Variants in COL8A2 observed in about 807,000 individuals in gnomAD.
The protein encoded by COL8A2 is collagen alpha-2(VIII) chain.
A neutral mutation model predicts 24.0 loss-of-function variants in COL8A2; 16 were observed. The observed-to-expected ratio is 0.67, with a 90% CI of 0.45 to 1.01. The LOEUF (loss-of-function observed/expected upper bound fraction) is 1.01, where lower values mean the gene tolerates loss of function less well. Among genes scored for constraint, COL8A2 ranks in the 50% least tolerant of loss-of-function variants. The pLI, the probability that COL8A2 is intolerant of heterozygous loss-of-function variation, is 0.00. For synonymous variants in COL8A2, 466 were observed against 424.5 expected, an observed-to-expected ratio of 1.10 and a Z score of -1.20; for missense variants, 818 against 942.4, an observed-to-expected ratio of 0.87 and a Z score of 1.73.
chr1:36,115,246 A>G lies in COL8A2; in HGVS notation c.-17+462T>C, dbSNP rs1315926812. On this transcript the variant is annotated intron_variant, in intron 2 of 3. Transcript: ENST00000397799. This position sits in a 1 kb window ranked among gnomAD's most constrained non-coding sequence, Gnocchi z 5.7. ...AGGCAGGGGCAGGCGGGGCCTCCTC[A>G]GCCTCCAATCCCTCACCTTCTGGTT... Among the ~76,000 whole-genome samples, 1 of 152,186 alleles carries G rather than the reference A, an allele frequency of 6.6e-6. No homozygotes were observed. Among genetic ancestry groups the G allele is most frequent in the Non-Finnish European group, 1.5e-5 (1 of 68,014 alleles).
chr1:36,105,958 A>T (rs887703242), intron 2 of COL8A2, among the ~76,000 whole-genome samples: 4 of 143,706 alleles, frequency 2.8e-5, no homozygotes, highest in Admixed American at 2.1e-4. Flanking sequence ...CTTAAAAAAA[A>T]AAAAAAAAAG....
chr1:36,101,616 C>T (rs769838970), intron 2 of COL8A2, among the ~76,000 whole-genome samples: 6 of 152,212 alleles, frequency 3.9e-5, no homozygotes, highest in Non-Finnish European at 5.9e-5. Flanking sequence ...GAGAGGATGT[C>T]CACACAATAA....
chr1:36,116,566 C>T (rs925302105), intron 1 of COL8A2, among the ~76,000 whole-genome samples: 1 of 152,236 alleles, frequency 6.6e-6, no homozygotes, highest in African/African-American at 2.4e-5. Flanking sequence ...AAGCGGTCAT[C>T]ACACAATTGG....
In COL8A2 at chr1:36,100,887, C is replaced by CTTTTTTTTTTTTT. The variant is rs139330748; in HGVS notation, c.-16-642_-16-630dup. Among the ~76,000 whole-genome samples the CTTTTTTTTTTTTT allele has an allele frequency of 3.2e-4, 16 of 50,158 alleles. 1 individual carries two copies. The highest frequency in any genetic ancestry group is 1.3e-3 in the South Asian group (1 of 774). The allele number at this position is 50,158 out of a possible 152,430, so 32.9% of individuals were successfully genotyped here. On this transcript the variant is annotated intron_variant, in intron 2 of 3. Coordinates refer to ENST00000397799, the MANE Select transcript of COL8A2 (RefSeq NM_005202.4). ...ATGGCGCTTAGCATAGCATTCAAGG[C>CTTTTTTTTTTTTT]TTTTTTTTTTTTTTTTTTTTTTTTT...
At chr1:36,111,213 C>T (rs184421017) in intron 2 of COL8A2, among the ~76,000 whole-genome samples, 18 of 152,226 alleles carry the variant, frequency 1.2e-4, no homozygotes, top group African/African-American at 4.3e-4. Flanking sequence ...CCCTCCCCAG[C>T]CACCCTCATC....
intron 2 of COL8A2, among the ~76,000 whole-genome samples, chr1:36,110,953 A>T (rs1328867079): frequency 6.6e-6 from 1 of 152,120 alleles, no homozygotes; most frequent in Non-Finnish European, 1.5e-5. Flanking sequence ...TTTGGGCATG[A>T]CACCCAGCCC....
chr1:36,114,306 G>C (rs1353073972), intron 2 of COL8A2, among the ~76,000 whole-genome samples: 2 of 127,716 alleles, frequency 1.6e-5, no homozygotes, highest in African/African-American at 6.2e-5. Context: ...GCGACAGAGC[G>C]AGACTCCATC....
intron 1 of COL8A2, among the ~76,000 whole-genome samples, chr1:36,119,165 T>C (rs965708336): frequency 6.6e-6 from 1 of 152,220 alleles, no homozygotes; most frequent in African/African-American, 2.4e-5. Flanking sequence ...AATCCAGCTC[T>C]GCCCAGCCCA....
intron 1 of COL8A2, among the ~76,000 whole-genome samples, chr1:36,122,671 C>T (rs1643923173): frequency 6.6e-6 from 1 of 152,158 alleles, no homozygotes; most frequent in African/African-American, 2.4e-5. Flanking sequence ...TGGCAACCGC[C>T]CACTTCATCC....
In COL8A2 at chr1:36,115,272, C is replaced by G. The variant is rs1250941386; in HGVS notation, c.-17+436G>C. 6.6e-6 allele frequency among the ~76,000 whole-genome samples: 1 copy of G among 152,220 alleles called. No homozygotes were observed. The highest frequency in any genetic ancestry group is 1.5e-5 in the Non-Finnish European group (1 of 68,034). ...GCCTCCAATCCCTCACCTTCTGGTTCGCATTTGCAGCCTTTTCCGGAGCGC... is the reference window on the plus strand; with the variant it reads ...GCCTCCAATCCCTCACCTTCTGGTTGGCATTTGCAGCCTTTTCCGGAGCGC... On this transcript the variant is annotated intron_variant, in intron 2 of 3. Transcript: ENST00000397799. This position sits in a 1 kb window ranked among gnomAD's most constrained non-coding sequence, Gnocchi z 5.7.
rs1201782428 is a variant in COL8A2 at position 36,102,593 on chromosome 1, G to GT, written c.-16-2336dup. Reference sequence around the variant, plus strand: ...AAAATTGCACAGCTCTATGAACACAGTAAAAAAAAACACTGAATTGTACAC... The same window carrying GT: ...AAAATTGCACAGCTCTATGAACACAGTTAAAAAAAAACACTGAATTGTACAC... On this transcript the variant is annotated intron_variant, in intron 2 of 3. Transcript: ENST00000397799. Among the ~76,000 whole-genome samples, 8 of 146,072 alleles carry GT rather than the reference G, an allele frequency of 5.5e-5. No homozygotes were observed. In the Admixed American group the frequency reaches 5.5e-4, roughly 10 times the overall value.
chr1:36,095,870 C>G lies in COL8A2; in HGVS notation c.*1699G>C, dbSNP rs1427793461. ...TAAGAAATCCACCAGGAACCCCAGC[C>G]AAAACCTTCTCAAGTGTCACTTGGG... On this transcript the variant is annotated 3_prime_UTR_variant, in exon 4 of 4. Coordinates refer to ENST00000397799, the MANE Select transcript of COL8A2 (RefSeq NM_005202.4). 6.6e-6 allele frequency: 1 copy of G among 152,220 alleles called. No homozygotes were observed. Among genetic ancestry groups the G allele is most frequent in the Non-Finnish European group, 1.5e-5 (1 of 68,046 alleles). The allele number at this position is 152,220 out of a possible 1,614,324, so 9.4% of individuals were successfully genotyped here.
Position 36,097,333 on chromosome 1 carries a change from T to C in COL8A2, c.*236A>G, listed in dbSNP as rs2124068366. 1 of 527,740 alleles carries C rather than the reference T, an allele frequency of 1.9e-6. No homozygotes were observed. Among genetic ancestry groups the C allele is most frequent in the South Asian group, 2.2e-5 (1 of 46,246 alleles). The allele number at this position is 527,740 out of a possible 1,614,324, so 32.7% of individuals were successfully genotyped here. On this transcript the variant is annotated 3_prime_UTR_variant, in exon 4 of 4. Coordinates refer to ENST00000397799, the MANE Select transcript of COL8A2 (RefSeq NM_005202.4). ...GGGCTGGGCTGTGTGCCTCAGGGCC[T>C]ATGGGGTGCAGCCCTGACACTGCAC...
In COL8A2 at chr1:36,098,555, CA is replaced by C. The variant is rs768510125; in HGVS notation, c.1125del (p.Pro377LeufsTer82). The C allele has an allele frequency of 6.2e-7, 1 of 1,603,928 alleles. No individual in the cohort carries two copies. The highest frequency in any genetic ancestry group is 1.7e-5 in the Admixed American group (1 of 58,962). On this transcript the variant is annotated frameshift_variant, in exon 4 of 4. Transcript: ENST00000397799. LOFTEE classifies it high-confidence loss of function. ...CCAGGCCCTGCCTCACCCTTAGGCC[CA>C]GGGGGCCCACGTCTGCCAGGAAGCC... Reference protein sequence around the residue: ...SAGLPGRRGPPGPKGEAGPGG... With the variant: ...SAGLPGRRGPXGPKGEAGPGG...
chr1:36,104,510 T>TA (rs978671624), intron 2 of COL8A2, among the ~76,000 whole-genome samples: 6 of 142,688 alleles, frequency 4.2e-5, no homozygotes, highest in African/African-American at 1.6e-4. Context: ...AATAAATAAA[T>TA]AATAAAATAC....
chr1:36,120,735 G>T (rs935244280), intron 1 of COL8A2, among the ~76,000 whole-genome samples: 13 of 134,542 alleles, frequency 9.7e-5, no homozygotes, highest in African/African-American at 3.6e-4. Context: ...GCGACAGAGC[G>T]AGACTCCGTC....
At chr1:36,106,748 A>C (rs917648110) in intron 2 of COL8A2, among the ~76,000 whole-genome samples, 2 of 152,138 alleles carry the variant, frequency 1.3e-5, no homozygotes, top group African/African-American at 4.8e-5. Flanking sequence ...CCAGGAGCCC[A>C]GGCGGCACCC....
chr1:36,123,597 C>T lies in COL8A2; in HGVS notation c.-62+1460G>A, dbSNP rs1024147789. Reference sequence around the variant, plus strand: ...TGTCTGAGTATGTCTGGCTGGGCCACGTGGGGCCTGCCATGTGTCTGTAGG... The same window carrying T: ...TGTCTGAGTATGTCTGGCTGGGCCATGTGGGGCCTGCCATGTGTCTGTAGG... On this transcript the variant is annotated intron_variant, in intron 1 of 3. Coordinates refer to ENST00000397799, the MANE Select transcript of COL8A2 (RefSeq NM_005202.4). This position sits in a 1 kb window ranked among gnomAD's most constrained non-coding sequence, Gnocchi z 4.1. Among the ~76,000 whole-genome samples the T allele has an allele frequency of 2.6e-5, 4 of 152,040 alleles. No homozygotes were observed. Among genetic ancestry groups the T allele is most frequent in the Admixed American group, 2.0e-4 (3 of 15,276 alleles).
At position 36,115,370 on chromosome 1, in the gene COL8A2, C is replaced by T. The variant is rs557351966; in HGVS notation, c.-17+338G>A. 5.3e-4 allele frequency among the ~76,000 whole-genome samples: 81 copies of T among 152,308 alleles called. No individual in the cohort carries two copies. The highest frequency in any genetic ancestry group is 8.7e-4 in the Non-Finnish European group (59 of 68,010). On this transcript the variant is annotated intron_variant, in intron 2 of 3. Coordinates refer to ENST00000397799, the MANE Select transcript of COL8A2 (RefSeq NM_005202.4). The surrounding 1 kb of genome is among the most constrained non-coding windows in gnomAD (Gnocchi z 5.7). The stretch of plus-strand genomic sequence containing the variant: ...CTGCGGCTACCCTGCGTGGTGGCGG[C>T]AGCAGCGGCAGCAGGAGGGGCTGGG...
Sources: gnomAD v4.1 joint callset for allele counts (sites outside exome capture counted in the v4.1 genomes callset) on GRCh38, gnomAD v4.1.1 for gene constraint, Gnocchi (gnomAD v3.1) non-coding constraint, MANE v1.5 for transcripts, NCBI Gene and HGNC (gene_info 2026-07-23, HGNC 2026-07-21) for gene names.